ATP9B: variants seen among roughly 807,000 people sequenced by gnomAD.
The protein encoded by ATP9B is probable phospholipid-transporting ATPase IIB.
ATP9B carries 110 observed loss-of-function variants against 146.1 expected under a neutral mutation model. The ratio of observed to expected loss-of-function variants is 0.75; its 90% CI spans 0.65 to 0.88. The LOEUF (loss-of-function observed/expected upper bound fraction) is 0.88. Among genes scored for constraint, ATP9B ranks in the 40% least tolerant of loss-of-function variants. The pLI, the probability that ATP9B is intolerant of heterozygous loss-of-function variation, is 0.00. For missense variants in ATP9B, 1,499 were observed against 1,496.4 expected (o/e 1.00, Z -0.03); for synonymous variants, 604 against 569.7 (o/e 1.06, Z -0.86).
intron 2 of ATP9B, among the ~76,000 whole-genome samples, chr18:79,097,935 C>T (rs28778586): frequency 6.6e-6 from 1 of 150,596 alleles, no homozygotes; most frequent in Non-Finnish European, 1.5e-5. Context: ...AGTTCTAGAT[C>T]CCTGAGGAAT....
intron 11 of ATP9B, among the ~76,000 whole-genome samples, chr18:79,250,255 T>TCA (rs1480060647): frequency 6.6e-6 from 1 of 152,238 alleles, no homozygotes; most frequent in Admixed American, 6.5e-5. Flanking sequence ...ACTGCTATGT[T>TCA]GCAGGGGAAA....
rs115913321 is a variant in ATP9B, at chr18:79,182,287, C to T, written c.873+5380C>T. Among the ~76,000 whole-genome samples, 560 of 152,300 alleles carry T rather than the reference C, an allele frequency of 3.7e-3. 3 individuals are homozygous for T. The highest frequency in any genetic ancestry group is 0.024 in the South Asian group (115 of 4,824). On this transcript the variant is annotated intron_variant, in intron 8 of 29. Transcript: ENST00000426216. The stretch of plus-strand genomic sequence containing the variant: ...CTGCAGGTGGTTGGGGCTGGAGCTC[C>T]GTGGTTCTCCTCCGGCCGGACATAC...
rs763196705 is a variant in ATP9B at position 79,336,645 on chromosome 18, C to T, written c.2046C>T (p.Arg682=). ...TTTTCCAGTGCGGAAACATGGCTCG[C>T]GAAGGACTGCGGACCCTCGTGGTTG... is the stretch of plus-strand genomic sequence containing the variant. ...WLEEECGNMA[R]EGLRTLVVAK... The change falls in exon 18 of 30, where the codon CGC becomes CGT. Residue 682 remains arginine, a synonymous_variant. Coordinates refer to ENST00000426216, the MANE Select transcript of ATP9B (RefSeq NM_198531.5). The T allele has an allele frequency of 6.6e-5, 106 of 1,610,698 alleles. No individual in the cohort carries two copies. The highest frequency in any genetic ancestry group is 1.6e-4 in the Middle Eastern group (1 of 6,062).
intron 5 of ATP9B, 141 bp from the exon 6 acceptor site, chr18:79,143,661 T>C: frequency 2.1e-6 from 1 of 468,908 alleles, no homozygotes; most frequent in East Asian, 3.3e-5. Context: ...TATTAGTGAC[T>C]GTCTGAAAGT....
intron 26 of ATP9B, chr18:79,361,892 A>C: frequency 2.9e-6 from 2 of 680,402 alleles, no homozygotes; most frequent in Non-Finnish European, 3.6e-6. Context: ...GCGATGTAGG[A>C]CAACATAGCC....
At chr18:79,376,024 C>T (rs1332072487) in intron 29 of ATP9B, 8 of 985,066 alleles carry the variant, frequency 8.1e-6, no homozygotes, top group East Asian at 1.1e-4. Context: ...TGTGGAGATG[C>T]TGGGAGGGTG....
intron 5 of ATP9B, among the ~76,000 whole-genome samples, chr18:79,135,966 A>G (rs1334766110): frequency 1.3e-5 from 2 of 152,186 alleles, no homozygotes; most frequent in East Asian, 1.9e-4. Flanking sequence ...TTTCTGCTCC[A>G]TTGATCTGTT....
intron 13 of ATP9B, 63 bp from the exon 14 acceptor site, chr18:79,303,541 A>G: frequency 7.4e-7 from 1 of 1,351,420 alleles, no homozygotes; most frequent in South Asian, 1.2e-5. Flanking sequence ...GCATGGTAGG[A>G]AAGCTGGGTG....
chr18:79,163,093 G>A (rs1258208339), intron 7 of ATP9B, among the ~76,000 whole-genome samples: 5 of 152,210 alleles, frequency 3.3e-5, no homozygotes, highest in African/African-American at 1.2e-4. Flanking sequence ...GTTTTAGCGA[G>A]TGCTTTCTGT....
intron 14 of ATP9B, among the ~76,000 whole-genome samples, chr18:79,305,939 A>T (rs1475670074): frequency 1.3e-5 from 2 of 152,224 alleles, no homozygotes; most frequent in Non-Finnish European, 1.5e-5. Flanking sequence ...ATAATCTTTC[A>T]TGGAATTTGT....
At chr18:79,344,681 G>A (rs1306529698) in intron 21 of ATP9B, among the ~76,000 whole-genome samples, 3 of 152,252 alleles carry the variant, frequency 2.0e-5, no homozygotes, top group South Asian at 4.1e-4. Context: ...GGATCACAGC[G>A]ATTGTTACTC....
intron 17 of ATP9B, among the ~76,000 whole-genome samples, chr18:79,333,936 G>A (rs908881689): frequency 2.0e-5 from 3 of 152,194 alleles, no homozygotes; most frequent in African/African-American, 7.2e-5. Flanking sequence ...AATTTGAGAG[G>A]GAGTCAACAA....
chr18:79,277,784 A>C (rs1054101107), intron 13 of ATP9B, among the ~76,000 whole-genome samples: 2 of 152,226 alleles, frequency 1.3e-5, no homozygotes. Context: ...AAGGAAAGCC[A>C]CATCTGAGGG....
intron 5 of ATP9B, among the ~76,000 whole-genome samples, chr18:79,129,279 T>A (rs1001234017): frequency 1.3e-5 from 2 of 152,118 alleles, no homozygotes; most frequent in African/African-American, 4.8e-5. Flanking sequence ...AAAATTCCCC[T>A]GTGTATGCTG....
chr18:79,290,444 G>A (rs1362519159), intron 13 of ATP9B, among the ~76,000 whole-genome samples: 2 of 152,208 alleles, frequency 1.3e-5, no homozygotes, highest in Non-Finnish European at 2.9e-5. Flanking sequence ...ATCTCATGGT[G>A]CGCCCTTTTT....
At chr18:79,303,738 G>A (rs745788779) in intron 14 of ATP9B, 22 bp downstream of exon 14, 41 of 1,583,408 alleles carry the variant, frequency 2.6e-5, no homozygotes, top group South Asian at 7.8e-5. Context: ...CCTCCTGCAC[G>A]GGGTCTGCTT....
chr18:79,261,410 G>A (rs984206438), intron 12 of ATP9B, among the ~76,000 whole-genome samples: 1 of 152,162 alleles, frequency 6.6e-6, no homozygotes, highest in African/African-American at 2.4e-5. Context: ...AATCAAAGGA[G>A]TGGGAATACG....
At chr18:79,310,045 C>A (rs149072892) in intron 15 of ATP9B, among the ~76,000 whole-genome samples, 1 of 152,172 alleles carries the variant, frequency 6.6e-6, no homozygotes, top group Non-Finnish European at 1.5e-5. Flanking sequence ...GCCTAAAACC[C>A]CACTGTTGCT....
intron 9 of ATP9B, among the ~76,000 whole-genome samples, chr18:79,202,894 T>C (rs1465399275): frequency 6.6e-6 from 1 of 152,256 alleles, no homozygotes; most frequent in East Asian, 1.9e-4. Flanking sequence ...TAGAACCTTT[T>C]GTTTACATTT....
Sources: allele counts gnomAD v4.1 joint callset (sites outside exome capture counted in the v4.1 genomes callset), GRCh38; gene constraint gnomAD v4.1.1; transcripts MANE v1.5; gene names NCBI Gene and HGNC (gene_info 2026-07-23, HGNC 2026-07-21).